The following MTMR7 variants were observed in gnomAD, a reference collection of about 807,000 sequenced individuals.
The protein encoded by MTMR7 is phosphatidylinositol-3-phosphate phosphatase MTMR7.
A neutral mutation model predicts 81.2 loss-of-function variants in MTMR7; 76 were observed. The ratio of observed to expected loss-of-function variants is 0.94; its 90% CI spans 0.78 to 1.13. The LOEUF (loss-of-function observed/expected upper bound fraction) is 1.13. Among genes scored for constraint, MTMR7 ranks in the 50% most tolerant of loss-of-function variants. The probability of loss-of-function intolerance (pLI) is 0.00; values close to 1 mark genes in which losing one functional copy is unlikely to be tolerated. For synonymous variants in MTMR7, 372 were observed against 289.8 expected (o/e 1.28, Z -2.88); for missense variants, 1,044 against 820.0 (o/e 1.27, Z -3.34).
intron 3 of MTMR7, among the ~76,000 whole-genome samples, chr8:17,370,553 CAAAAAAAAAAAAA>C (rs5889712): frequency 3.2e-5 from 1 of 30,856 alleles, no homozygotes; most frequent in Non-Finnish European, 5.8e-5. Flanking sequence ...AAAAGTGCCT[CAAAAAAAAAAAAA>C]AAAAAAAAAA....
intron 9 of MTMR7, 101 bp downstream of exon 9, chr8:17,311,410 T>C (rs911281061): frequency 5.3e-6 from 8 of 1,497,968 alleles, no homozygotes; most frequent in Non-Finnish European, 5.5e-6. Context: ...AAAAGAAAAA[T>C]AATGCTGGCA....
intron 7 of MTMR7, among the ~76,000 whole-genome samples, chr8:17,320,164 T>C (rs1268892920): frequency 6.6e-6 from 1 of 152,168 alleles, no homozygotes; most frequent in Non-Finnish European, 1.5e-5. Flanking sequence ...TATGAGATTT[T>C]CTTTTTACTT....
chr8:17,310,665 C>G (rs1226524505), intron 9 of MTMR7, among the ~76,000 whole-genome samples: 1 of 152,094 alleles, frequency 6.6e-6, no homozygotes, highest in Non-Finnish European at 1.5e-5. Flanking sequence ...TCAGACACTT[C>G]CAAAAAAAGA....
At chr8:17,364,381 A>G (rs1240254753) in intron 3 of MTMR7, among the ~76,000 whole-genome samples, 1 of 152,232 alleles carries the variant, frequency 6.6e-6, no homozygotes, top group Non-Finnish European at 1.5e-5. Context: ...GATTAATTCA[A>G]GCTAATTAAC....
intron 4 of MTMR7, among the ~76,000 whole-genome samples, chr8:17,359,703 A>G (rs1333023123): frequency 1.3e-5 from 2 of 152,156 alleles, no homozygotes; most frequent in African/African-American, 2.4e-5. Context: ...ATGGTCAATC[A>G]ATATAGAAAA....
intron 13 of MTMR7, chr8:17,301,793 G>T (rs1817131770): frequency 3.6e-6 from 1 of 275,912 alleles, no homozygotes; most frequent in African/African-American, 2.2e-5. Flanking sequence ...ATTTCTAAAA[G>T]TGGGGAAAGA....
chr8:17,385,167 GT>G lies in MTMR7; in HGVS notation c.25-11928del, dbSNP rs141112087. Among the ~76,000 whole-genome samples the G allele has an allele frequency of 9.8e-3, 1,495 of 152,256 alleles. 30 individuals are homozygous for G. Among genetic ancestry groups the G allele is most frequent in the African/African-American group, 0.034 (1,422 of 41,550 alleles). On this transcript the variant is annotated intron_variant, in intron 1 of 13. Coordinates refer to ENST00000180173, the MANE Select transcript of MTMR7 (RefSeq NM_004686.5). Reference sequence around the variant, plus strand: ...TATAGTTGATATCGTTTGGATCTGTGTCCCCATCCAAATTTCACGTCAAATT... The same window carrying G: ...TATAGTTGATATCGTTTGGATCTGTGCCCCATCCAAATTTCACGTCAAATT...
chr8:17,347,228 C>T (rs1054407473), intron 5 of MTMR7, among the ~76,000 whole-genome samples: 1 of 151,822 alleles, frequency 6.6e-6, no homozygotes, highest in Non-Finnish European at 1.5e-5. Flanking sequence ...TCTTCCTTTG[C>T]CTCTAACCAG....
chr8:17,310,710 C>G (rs984945623), intron 9 of MTMR7, among the ~76,000 whole-genome samples: 1 of 152,194 alleles, frequency 6.6e-6, no homozygotes, highest in Non-Finnish European at 1.5e-5. Flanking sequence ...CCTCTTCGCT[C>G]TTGTCCGAGG....
chr8:17,356,286 AATT>A (rs1278486133), intron 4 of MTMR7, among the ~76,000 whole-genome samples: 1 of 152,130 alleles, frequency 6.6e-6, no homozygotes, highest in African/African-American at 2.4e-5. Flanking sequence ...ATAGAGCAAA[AATT>A]ATTTAGCTGG....
intron 11 of MTMR7, 56 bp from the exon 12 acceptor site, chr8:17,304,575 G>C (rs1586138210): frequency 1.9e-6 from 3 of 1,544,038 alleles, no homozygotes; most frequent in Non-Finnish European, 2.7e-6. Context: ...ACACACAGTA[G>C]ATATGTTATA....
At chr8:17,362,576 A>G (rs1283834820) in intron 3 of MTMR7, among the ~76,000 whole-genome samples, 1 of 152,150 alleles carries the variant, frequency 6.6e-6, no homozygotes, top group Non-Finnish European at 1.5e-5. Context: ...CCAGGTTTAA[A>G]TGAGACATCT....
At chr8:17,366,885 C>CA (rs1277882494) in intron 3 of MTMR7, among the ~76,000 whole-genome samples, 3,532 of 87,896 alleles carry the variant, frequency 0.04, 236 homozygotes, top group African/African-American at 0.084. Context: ...GACTCCATCT[C>CA]AAAAAAAAAA....
At chr8:17,357,145 T>G (rs907337779) in intron 4 of MTMR7, among the ~76,000 whole-genome samples, 3 of 152,168 alleles carry the variant, frequency 2.0e-5, no homozygotes, top group Non-Finnish European at 4.4e-5. Context: ...AACACAGTAG[T>G]GAAAAATGAA....
chr8:17,346,059 G>A (rs747926421), intron 5 of MTMR7: 2 of 152,108 alleles, frequency 1.3e-5, no homozygotes, highest in Non-Finnish European at 2.9e-5. Context: ...TACGGCCATC[G>A]ATGAGCAATG....
intron 3 of MTMR7, among the ~76,000 whole-genome samples, chr8:17,369,353 G>GTAAAA (rs1820336126): frequency 6.6e-6 from 1 of 152,154 alleles, no homozygotes. Flanking sequence ...AAAACTACCA[G>GTAAAA]ATTTTGACAG....
At chr8:17,384,921 A>G (rs914497115) in intron 1 of MTMR7, among the ~76,000 whole-genome samples, 4 of 152,226 alleles carry the variant, frequency 2.6e-5, no homozygotes, top group East Asian at 1.9e-4. Flanking sequence ...GCATAATCCA[A>G]GAAAATATAT....
rs374185031 is a variant in MTMR7, at chr8:17,361,175, G to A, written c.410C>T (p.Thr137Met). Residue 137 changes from threonine (T) to methionine (M), a missense_variant, in exon 4 of 14, where the codon ACG (threonine) becomes ATG (methionine). Transcript: ENST00000180173. Reference sequence around the variant, plus strand: ...GTAATGATTAGGGAGGCCCATCCGCGTGTATTCTTCACTAAGATCGATCAG... The same window carrying A: ...GTAATGATTAGGGAGGCCCATCCGCATGTATTCTTCACTAAGATCGATCAG... ...WVLIDLSEEY[T>M]RMGLPNHYWQ... 1.3e-4 allele frequency: 203 copies of A among 1,613,994 alleles called. No individual in the cohort carries two copies. The highest frequency in any genetic ancestry group is 1.6e-4 in the Non-Finnish European group (190 of 1,180,004).
intron 7 of MTMR7, among the ~76,000 whole-genome samples, chr8:17,329,168 T>TG (rs200429875): frequency 0.012 from 1,887 of 152,294 alleles, 41 homozygotes; most frequent in East Asian, 0.075. Flanking sequence ...AAGTGACCAG[T>TG]AGTATGAGCC....
Sources: gnomAD v4.1 joint callset for allele counts (sites outside exome capture counted in the v4.1 genomes callset) on GRCh38, gnomAD v4.1.1 for gene constraint, MANE v1.5 for transcripts, NCBI Gene and HGNC (gene_info 2026-07-23, HGNC 2026-07-21) for gene names.